Variants in RABGAP1L observed in about 807,000 individuals in gnomAD.
The protein encoded by RABGAP1L is rab GTPase-activating protein 1-like.
In RABGAP1L, 63 loss-of-function variants were observed where a neutral mutation model predicts 137.7. The observed-to-expected ratio is 0.46, with a 90% CI of 0.37 to 0.56. RABGAP1L has a LOEUF of 0.56. Among genes scored for constraint, RABGAP1L ranks in the 20% least tolerant of loss-of-function variants. The pLI, the probability that RABGAP1L is intolerant of heterozygous loss-of-function variation, is 0.00. For synonymous variants in RABGAP1L, 431 were observed against 433.7 expected (o/e 0.99, Z 0.08); for missense variants, 1,095 against 1,244.0 (o/e 0.88, Z 1.80).
chr1:174,663,047 G>T (rs988850251), intron 14 of RABGAP1L, among the ~76,000 whole-genome samples: 4 of 152,154 alleles, frequency 2.6e-5, no homozygotes, highest in African/African-American at 9.7e-5. Context: ...CTAAGATTTT[G>T]TCATTGAAGA....
chr1:174,349,200 C>T (rs1473072544), intron 11 of RABGAP1L, among the ~76,000 whole-genome samples: 16 of 135,852 alleles, frequency 1.2e-4, no homozygotes, highest in Admixed American at 6.3e-4. Flanking sequence ...CCTCACCTCC[C>T]GGACGGGGCG....
intron 11 of RABGAP1L, among the ~76,000 whole-genome samples, chr1:174,349,693 C>T (rs1296567856): frequency 0.064 from 6,087 of 94,614 alleles, no homozygotes; most frequent in African/African-American, 0.09. Flanking sequence ...GCTGACACCC[C>T]CACCTCCCTC....
At position 174,420,908 on chromosome 1, in the gene RABGAP1L, T is replaced by C. The variant is rs537019157; in HGVS notation, c.1710+26763T>C. ...GCCAGGATGGTCTCGATCTCCTGAC[T>C]TCATGATCTGCCCTCCTTGGCCTCC... On this transcript the variant is annotated intron_variant, in intron 13 of 25. Transcript: ENST00000681986. Among the ~76,000 whole-genome samples, 18 of 152,116 alleles carry C rather than the reference T, an allele frequency of 1.2e-4. No individual in the cohort carries two copies. The East Asian group carries it at 1.4e-3, about 11-fold the overall frequency.
Position 174,506,533 on chromosome 1 carries a change from G to T in RABGAP1L, c.1710+112388G>T, listed in dbSNP as rs150229309. On this transcript the variant is annotated intron_variant, in intron 13 of 25. Coordinates refer to ENST00000681986, the MANE Select transcript of RABGAP1L (RefSeq NM_001366446.1). ...AACAAGGAACTGTTTGACAAGAAAT[G>T]AAGAAAACGATTCCATTTACAATAG... is the stretch of plus-strand genomic sequence containing the variant. 9.9e-5 allele frequency among the ~76,000 whole-genome samples: 15 copies of T among 152,212 alleles called. No homozygotes were observed. In the East Asian group the frequency reaches 2.9e-3, roughly 29 times the overall value.
chr1:174,846,471 C>T (rs1694060455), intron 19 of RABGAP1L, among the ~76,000 whole-genome samples: 1 of 146,780 alleles, frequency 6.8e-6, no homozygotes, highest in Admixed American at 7.0e-5. Flanking sequence ...TTTCTGCCTT[C>T]ATTTCGTTAC....
At chr1:174,867,850 G>A (rs996261313) in intron 19 of RABGAP1L, among the ~76,000 whole-genome samples, 2 of 152,154 alleles carry the variant, frequency 1.3e-5, no homozygotes, top group Non-Finnish European at 2.9e-5. Flanking sequence ...TCACCATGTT[G>A]TTCAGGCTGG....
At chr1:174,882,825 A>G (rs16847600) in intron 19 of RABGAP1L, among the ~76,000 whole-genome samples, 10,908 of 152,014 alleles carry the variant, frequency 0.072, 1,350 homozygotes, top group African/African-American at 0.25. Flanking sequence ...AGCAGAACAT[A>G]AGAGCTTTTT....
At position 174,989,928 on chromosome 1, in the gene RABGAP1L, C is replaced by CT. The variant is rs1406067776; in HGVS notation, c.3084dup (p.Ile1029TyrfsTer81). 1 of 1,550,022 alleles carries CT rather than the reference C, an allele frequency of 6.5e-7. No individual in the cohort carries two copies. ...TCTTGGTTTAGCAAAACCCTGAACT[C>CT]TATCAAAACGGCCACGGGCACCCAG... is the stretch of plus-strand genomic sequence containing the variant. On this transcript the variant is annotated frameshift_variant, in exon 26 of 26. Coordinates refer to ENST00000681986, the MANE Select transcript of RABGAP1L (RefSeq NM_001366446.1). LOFTEE classifies it high-confidence loss of function.
intron 13 of RABGAP1L, among the ~76,000 whole-genome samples, chr1:174,485,291 A>G (rs568255420): frequency 1.3e-5 from 2 of 152,302 alleles, no homozygotes; most frequent in African/African-American, 2.4e-5. Flanking sequence ...GCAAACAAGG[A>G]TAATTTGACT....
chr1:174,553,313 C>T (rs1187944537), intron 13 of RABGAP1L, among the ~76,000 whole-genome samples: 5 of 152,090 alleles, frequency 3.3e-5, no homozygotes, highest in Non-Finnish European at 5.9e-5. Context: ...GTGCCTACAC[C>T]GCAAATGGTA....
At chr1:174,204,659 C>G (rs1392641286) in intron 1 of RABGAP1L, among the ~76,000 whole-genome samples, 1 of 152,110 alleles carries the variant, frequency 6.6e-6, no homozygotes, top group Non-Finnish European at 1.5e-5. Context: ...CTCTGTGTCC[C>G]CATCCACATC....
chr1:174,930,956 T>C (rs1663691184), intron 19 of RABGAP1L, among the ~76,000 whole-genome samples: 1 of 152,204 alleles, frequency 6.6e-6, no homozygotes, highest in African/African-American at 2.4e-5. Context: ...ACTTATACCA[T>C]GTTCTAATTT....
Position 174,550,999 on chromosome 1 carries a change from C to CATATATATATATATAT in RABGAP1L, c.1711-86368_1711-86353dup, listed in dbSNP as rs549477266. ...GTATATATACATATATATATATACA[C>CATATATATATATATAT]ATATATATATATATATATATATACA... On this transcript the variant is annotated intron_variant, in intron 13 of 25. Coordinates refer to ENST00000681986, the MANE Select transcript of RABGAP1L (RefSeq NM_001366446.1). 2.0e-3 allele frequency among the ~76,000 whole-genome samples: 169 copies of CATATATATATATATAT among 86,312 alleles called. 15 individuals carry two copies. Among genetic ancestry groups the CATATATATATATATAT allele is most frequent in the African/African-American group, 0.013 (161 of 12,028 alleles). The allele number at this position is 86,312 out of a possible 152,430, so 56.6% of individuals were successfully genotyped here. A position where few individuals can be genotyped will look rare whatever the true frequency, so the allele number is the denominator to read the frequency against.
intron 17 of RABGAP1L, among the ~76,000 whole-genome samples, chr1:174,731,758 A>G (rs1682496306): frequency 6.6e-6 from 1 of 152,238 alleles, no homozygotes; most frequent in South Asian, 2.1e-4. Flanking sequence ...CTTGGTTTTC[A>G]GACTGTGTCA....
intron 13 of RABGAP1L, among the ~76,000 whole-genome samples, chr1:174,611,730 C>A (rs141878217): frequency 0.022 from 3,406 of 151,772 alleles, 60 homozygotes; most frequent in Middle Eastern, 0.085. Flanking sequence ...CTTTTATTTC[C>A]TTGAGCAGTG....
At position 174,591,037 on chromosome 1, in the gene RABGAP1L, G is replaced by A. The variant is rs1329884163; in HGVS notation, c.1711-46338G>A. On this transcript the variant is annotated intron_variant, in intron 13 of 25. Transcript: ENST00000681986. ...GTTGTTTCCTGACTTTTTAATGATC[G>A]CCATTCTAACTGGTGTGAGATGATA... 4.2e-4 allele frequency among the ~76,000 whole-genome samples: 29 copies of A among 69,426 alleles called. 1 individual carries two copies. Among genetic ancestry groups the A allele is most frequent in the African/African-American group, 2.3e-3 (25 of 10,886 alleles). 45.5% of individuals were successfully genotyped at this position (69,426 alleles called of 152,430 possible).
chr1:174,798,332 G>C (rs1391673681), intron 18 of RABGAP1L, among the ~76,000 whole-genome samples: 1 of 151,492 alleles, frequency 6.6e-6, no homozygotes, highest in Non-Finnish European at 1.5e-5. Context: ...ATGTGAACCC[G>C]GGAGGCAGAG....
At chr1:174,911,839 C>G (rs1163189529) in intron 19 of RABGAP1L, among the ~76,000 whole-genome samples, 1 of 152,118 alleles carries the variant, frequency 6.6e-6, no homozygotes, top group Non-Finnish European at 1.5e-5. Context: ...TGGATATGCT[C>G]CATATCCAAA....
intron 19 of RABGAP1L, among the ~76,000 whole-genome samples, chr1:174,821,882 A>G (rs1169858985): frequency 6.6e-6 from 1 of 152,200 alleles, no homozygotes; most frequent in Non-Finnish European, 1.5e-5. Context: ...TATGTTGACA[A>G]CCACATTTGA....
Sources: gnomAD v4.1 joint callset for allele counts (sites outside exome capture counted in the v4.1 genomes callset) on GRCh38, gnomAD v4.1.1 for gene constraint, MANE v1.5 for transcripts, NCBI Gene and HGNC (gene_info 2026-07-23, HGNC 2026-07-21) for gene names.